MPDZ: variants seen among roughly 807,000 people sequenced by gnomAD.
MPDZ encodes the protein multiple PDZ domain crumbs cell polarity complex component, also known as multiple PDZ domain protein.
In MPDZ, 234 loss-of-function variants were observed where a neutral mutation model predicts 239.1. The observed-to-expected ratio is 0.98, with a 90% CI of 0.88 to 1.09. The LOEUF (loss-of-function observed/expected upper bound fraction) is 1.09. Ranked by LOEUF, MPDZ falls within the 50% of genes least tolerant of loss-of-function variation. The pLI, the probability that MPDZ is intolerant of heterozygous loss-of-function variation, is 0.00. For missense variants in MPDZ, 3,175 were observed against 2,510.0 expected, an observed-to-expected ratio of 1.26 and a Z score of -5.66; for synonymous variants, 1,048 against 881.3, an observed-to-expected ratio of 1.19 and a Z score of -3.35.
At chr9:13,129,888 T>C (rs1298067306) in intron 32 of MPDZ, among the ~76,000 whole-genome samples, 1 of 152,092 alleles carries the variant, frequency 6.6e-6, no homozygotes, top group Non-Finnish European at 1.5e-5. Flanking sequence ...AGTTGTATAA[T>C]TAAACAGCTA....
In MPDZ at chr9:13,198,727, ATC is replaced by A. The variant is rs138547279; in HGVS notation, c.1547-2499_1547-2498del. On this transcript the variant is annotated intron_variant, in intron 12 of 46. Coordinates refer to ENST00000319217, the MANE Select transcript of MPDZ (RefSeq NM_001378778.1). ...TTCAGTTCTTATATTTAGGTCTTTA[ATC>A]TCTCTCTCTGTGTGTGTGTGTGTGT... 4.2e-3 allele frequency among the ~76,000 whole-genome samples: 339 copies of A among 81,274 alleles called. 2 individuals carry two copies. The highest frequency in any genetic ancestry group is 0.016 in the African/African-American group (248 of 15,314). The allele number at this position is 81,274 out of a possible 152,430, so 53.3% of individuals were successfully genotyped here.
chr9:13,246,929 GATTAA>G (rs1447706505), intron 3 of MPDZ, among the ~76,000 whole-genome samples: 5 of 152,286 alleles, frequency 3.3e-5, no homozygotes, highest in African/African-American at 9.6e-5. Context: ...TAGAAATGGT[GATTAA>G]ATTAAGTAAG....
rs776196461 is a variant in MPDZ at position 13,247,818 on chromosome 9, CA to C, written c.17-18del. 3 of 1,582,752 alleles carry C rather than the reference CA, an allele frequency of 1.9e-6. No individual in the cohort carries two copies. Among genetic ancestry groups the C allele is most frequent in the South Asian group, 2.3e-5 (2 of 88,654 alleles). On this transcript the variant is annotated intron_variant, in intron 2 of 46. Transcript: ENST00000319217. ...GATTTTTGTCTATACCAAAGAGCAG[CA>C]TTTGTCAATAACAGGATTCAAAGGA... is the stretch of plus-strand genomic sequence containing the variant.
chr9:13,125,788 C>T (rs781511370), intron 34 of MPDZ, among the ~76,000 whole-genome samples: 4 of 152,044 alleles, frequency 2.6e-5, no homozygotes, highest in African/African-American at 9.7e-5. Context: ...AAAATAGAAA[C>T]ACATATGTTA....
chr9:13,142,119 T>G (rs925632615), intron 27 of MPDZ, among the ~76,000 whole-genome samples: 2 of 152,172 alleles, frequency 1.3e-5, no homozygotes, highest in South Asian at 4.1e-4. Context: ...GTCCATTCCC[T>G]TTTTAAAAGG....
At chr9:13,223,161 C>T (rs1045527289) in intron 5 of MPDZ, among the ~76,000 whole-genome samples, 4 of 151,928 alleles carry the variant, frequency 2.6e-5, no homozygotes, top group Admixed American at 6.6e-5. Flanking sequence ...TTAGTACCTG[C>T]AGGAGTCCTG....
intron 14 of MPDZ, among the ~76,000 whole-genome samples, chr9:13,192,882 GTTAC>G (rs1273325381): frequency 1.3e-5 from 2 of 151,900 alleles, no homozygotes; most frequent in South Asian, 2.1e-4. Flanking sequence ...ATCTGAATGC[GTTAC>G]TTATTCTAAA....
At chr9:13,214,066 T>G (rs1174622633) in intron 10 of MPDZ, among the ~76,000 whole-genome samples, 1 of 151,982 alleles carries the variant, frequency 6.6e-6, no homozygotes, top group East Asian at 1.9e-4. Flanking sequence ...ATTCCACTCC[T>G]AAGTATACAC....
At chr9:13,238,971 T>G (rs969787841) in intron 3 of MPDZ, among the ~76,000 whole-genome samples, 2 of 152,198 alleles carry the variant, frequency 1.3e-5, no homozygotes, top group African/African-American at 4.8e-5. Context: ...AATTTTGATT[T>G]CTAACATGGC....
chr9:13,129,438 G>T (rs575980215), intron 32 of MPDZ, among the ~76,000 whole-genome samples: 1 of 151,568 alleles, frequency 6.6e-6, no homozygotes, highest in Non-Finnish European at 1.5e-5. Context: ...ATTCCAGCCT[G>T]GGCAACAGAG....
At chr9:13,173,179 T>G (rs1952010416) in intron 21 of MPDZ, among the ~76,000 whole-genome samples, 1 of 152,178 alleles carries the variant, frequency 6.6e-6, no homozygotes, top group Non-Finnish European at 1.5e-5. Context: ...CCAAAAAACG[T>G]TCTGGAGATG....
At chr9:13,262,917 A>T (rs1374294465) in intron 1 of MPDZ, among the ~76,000 whole-genome samples, 2 of 152,168 alleles carry the variant, frequency 1.3e-5, no homozygotes, top group Non-Finnish European at 2.9e-5. Flanking sequence ...CATCGTATTC[A>T]ACAATGGATT....
At chr9:13,199,321 G>C (rs1956101870) in intron 12 of MPDZ, among the ~76,000 whole-genome samples, 1 of 151,792 alleles carries the variant, frequency 6.6e-6, no homozygotes, top group Non-Finnish European at 1.5e-5. Context: ...TATTTGCTGT[G>C]GTGTATGCTA....
intron 21 of MPDZ, 37 bp downstream of exon 21, chr9:13,175,715 T>C (rs770059777): frequency 1.5e-6 from 2 of 1,361,714 alleles, no homozygotes; most frequent in African/African-American, 1.4e-5. Flanking sequence ...GTCAAGGGGG[T>C]TGAGGAGTAG....
intron 21 of MPDZ, 29 bp downstream of exon 21, chr9:13,175,721 AGT>A: frequency 6.4e-7 from 1 of 1,554,846 alleles, no homozygotes; most frequent in African/African-American, 1.3e-5. Context: ...GGGGTTGAGG[AGT>A]AGGTATATGA....
intron 3 of MPDZ, among the ~76,000 whole-genome samples, chr9:13,243,729 T>G (rs898458169): frequency 1.3e-5 from 2 of 152,206 alleles, no homozygotes; most frequent in Admixed American, 1.3e-4. Context: ...GTCATAAAAT[T>G]TCCAAAGAAA....
At chr9:13,188,609 A>AT (rs1484428172) in intron 17 of MPDZ, among the ~76,000 whole-genome samples, 175 bp downstream of exon 17, 1 of 151,848 alleles carries the variant, frequency 6.6e-6, no homozygotes, top group Admixed American at 6.6e-5. Context: ...TCTTTCCTTT[A>AT]TTTTTTTTGA....
At chr9:13,272,886 G>C (rs575502033) in intron 1 of MPDZ, among the ~76,000 whole-genome samples, 4 of 152,008 alleles carry the variant, frequency 2.6e-5, no homozygotes, top group African/African-American at 7.2e-5. Context: ...CCTATTAAGG[G>C]GGCTGCTATG....
chr9:13,183,327 T>C (rs1953622925), intron 19 of MPDZ, 91 bp downstream of exon 19: 1 of 1,001,928 alleles, frequency 1.0e-6, no homozygotes, highest in Non-Finnish European at 1.4e-6. Context: ...GTCTCCAATA[T>C]GTTATTCCCA....
Sources: gnomAD v4.1 joint callset for allele counts (sites outside exome capture counted in the v4.1 genomes callset) on GRCh38, gnomAD v4.1.1 for gene constraint, MANE v1.5 for transcripts, NCBI Gene and HGNC (gene_info 2026-07-23, HGNC 2026-07-21) for gene names.